HS6ST3: variants seen among roughly 807,000 people sequenced by gnomAD.
HS6ST3 encodes heparan-sulfate 6-O-sulfotransferase 3.
A neutral mutation model predicts 36.7 loss-of-function variants in HS6ST3; 12 were observed. The observed-to-expected ratio is 0.33, with a 90% CI of 0.21 to 0.53. HS6ST3 has a LOEUF of 0.53. Among genes scored for constraint, HS6ST3 ranks in the 20% least tolerant of loss-of-function variants. The pLI is 0.95. For synonymous variants in HS6ST3, 240 were observed against 257.5 expected (o/e 0.93, Z 0.65); for missense variants, 584 against 640.9 (o/e 0.91, Z 0.96).
chr13:96,804,171 T>C (rs1432560615), intron 1 of HS6ST3, among the ~76,000 whole-genome samples: 6 of 149,048 alleles, frequency 4.0e-5, no homozygotes, highest in African/African-American at 1.5e-4. Flanking sequence ...GAAAAAGGCA[T>C]GGAGTCAAGT....
intron 1 of HS6ST3, among the ~76,000 whole-genome samples, chr13:96,462,320 C>T (rs1025047688): frequency 3.9e-5 from 6 of 152,294 alleles, no homozygotes; most frequent in African/African-American, 9.6e-5. Flanking sequence ...ATCCTCCTAC[C>T]TCAGCCTCCC....
intron 1 of HS6ST3, among the ~76,000 whole-genome samples, chr13:96,397,307 CTT>C (rs1323112727): frequency 6.6e-6 from 1 of 152,150 alleles, no homozygotes; most frequent in Non-Finnish European, 1.5e-5. Flanking sequence ...TTAAATATGA[CTT>C]AGCATTTATA....
chr13:96,264,917 T>C (rs1473124882), intron 1 of HS6ST3, among the ~76,000 whole-genome samples: 1 of 152,212 alleles, frequency 6.6e-6, no homozygotes. Context: ...TGACATTTTC[T>C]ACCATTCGCT....
chr13:96,599,119 G>T (rs1302034525), intron 1 of HS6ST3, among the ~76,000 whole-genome samples: 1 of 151,864 alleles, frequency 6.6e-6, no homozygotes, highest in Non-Finnish European at 1.5e-5. Context: ...ATTGGATATT[G>T]GTCTGTAGTT....
chr13:96,787,200 T>C (rs1361330662), intron 1 of HS6ST3, among the ~76,000 whole-genome samples: 1 of 152,172 alleles, frequency 6.6e-6, no homozygotes, highest in Non-Finnish European at 1.5e-5. Flanking sequence ...TGAACAAGTT[T>C]CAGTGTGAAC....
chr13:96,515,467 C>T (rs1056789137), intron 1 of HS6ST3, among the ~76,000 whole-genome samples: 6 of 152,210 alleles, frequency 3.9e-5, no homozygotes, highest in African/African-American at 9.6e-5. Flanking sequence ...AGCACATTCA[C>T]GTTTTATGCA....
intron 1 of HS6ST3, among the ~76,000 whole-genome samples, chr13:96,134,698 C>A (rs192712881): frequency 6.6e-6 from 1 of 152,192 alleles, no homozygotes; most frequent in Admixed American, 6.5e-5. Context: ...GACATTCTTG[C>A]CTCTGTAGTC....
chr13:96,820,305 C>T (rs1878504443), intron 1 of HS6ST3, among the ~76,000 whole-genome samples: 1 of 152,150 alleles, frequency 6.6e-6, no homozygotes, highest in African/African-American at 2.4e-5. Flanking sequence ...TTCATTAATA[C>T]ATCTTGTTTA....
Position 96,346,381 on chromosome 13 carries a change from T to C in HS6ST3, c.707+254812T>C, listed in dbSNP as rs190734386. On this transcript the variant is annotated intron_variant, in intron 1 of 1. Transcript: ENST00000376705. ...TGAGATCAGGAGATCAAGACCATCC[T>C]GGCTAAAACGGTGAAACCCTATCTC... Among the ~76,000 whole-genome samples the C allele has an allele frequency of 6.0e-3, 912 of 152,212 alleles. 8 individuals are homozygous for C. The highest frequency in any genetic ancestry group is 0.02 in the Middle Eastern group (6 of 294).
At chr13:96,324,334 C>G (rs1001247396) in intron 1 of HS6ST3, among the ~76,000 whole-genome samples, 9 of 151,992 alleles carry the variant, frequency 5.9e-5, no homozygotes, top group Non-Finnish European at 1.3e-4. Context: ...TCCAGCACAC[C>G]CGGAGAGCAT....
chr13:96,246,902 G>A (rs543674476), intron 1 of HS6ST3, among the ~76,000 whole-genome samples: 1 of 152,202 alleles, frequency 6.6e-6, no homozygotes. Context: ...ACTATTTCTT[G>A]AGAATGGTAA....
intron 1 of HS6ST3, among the ~76,000 whole-genome samples, chr13:96,793,335 A>G (rs923332168): frequency 6.6e-6 from 1 of 152,050 alleles, no homozygotes; most frequent in African/African-American, 2.4e-5. Flanking sequence ...GGTTCTCCTC[A>G]CCATTCCAGC....
chr13:96,381,378 CTATCTATG>C (rs908048300), intron 1 of HS6ST3, among the ~76,000 whole-genome samples: 108 of 137,092 alleles, frequency 7.9e-4, no homozygotes, highest in East Asian at 1.7e-3. Flanking sequence ...ATTTATCCAT[CTATCTATG>C]TATCTATGTA....
rs140940988 is a variant in HS6ST3 at position 96,710,310 on chromosome 13, C to G, written c.708-122180C>G. 7.3e-3 allele frequency among the ~76,000 whole-genome samples: 1,106 copies of G among 152,364 alleles called. 9 individuals are homozygous for G. Among genetic ancestry groups the G allele is most frequent in the African/African-American group, 0.025 (1,022 of 41,590 alleles). ...CAGGACCTAGGCTGCACTGGCCACA[C>G]TCATTTGGGGGCCTGACTCAGCAGA... is the stretch of plus-strand genomic sequence containing the variant. On this transcript the variant is annotated intron_variant, in intron 1 of 1. Transcript: ENST00000376705.
rs186777103 is a variant in HS6ST3 at position 96,384,843 on chromosome 13, T to C, written c.707+293274T>C. ...TGTTGTATACTCCAAAGATAAAGTG[T>C]TGAGGACTTGCTTCAGACTTGTATG... On this transcript the variant is annotated intron_variant, in intron 1 of 1. Transcript: ENST00000376705. Among the ~76,000 whole-genome samples the C allele has an allele frequency of 5.9e-5, 9 of 152,254 alleles. No homozygotes were observed. In the East Asian group the frequency reaches 1.7e-3, roughly 29 times the overall value.
In HS6ST3 at chr13:96,576,943, C is replaced by CAAAA. The variant is rs1157924077; in HGVS notation, c.708-255520_708-255517dup. 4.1e-3 allele frequency among the ~76,000 whole-genome samples: 110 copies of CAAAA among 26,852 alleles called. 10 individuals are homozygous for CAAAA. The highest frequency in any genetic ancestry group is 0.011 in the African/African-American group (102 of 8,992). The allele number at this position is 26,852 out of a possible 152,430, so 17.6% of individuals were successfully genotyped here. A position where few individuals can be genotyped will look rare whatever the true frequency, so the allele number is the denominator to read the frequency against. ...TGGGAAACAGAGTGAGACTCTGTCT[C>CAAAA]AAAAAAAAAAAAAAAAAAAAAAAAA... On this transcript the variant is annotated intron_variant, in intron 1 of 1. Transcript: ENST00000376705.
At chr13:96,742,518 T>A (rs1485850802) in intron 1 of HS6ST3, among the ~76,000 whole-genome samples, 1 of 152,134 alleles carries the variant, frequency 6.6e-6, no homozygotes, top group African/African-American at 2.4e-5. Flanking sequence ...ACAATAAATG[T>A]ACTTGTGGTT....
At chr13:96,108,316 G>A (rs2053851876) in intron 1 of HS6ST3, among the ~76,000 whole-genome samples, 1 of 152,198 alleles carries the variant, frequency 6.6e-6, no homozygotes. Context: ...GCGAATTCTA[G>A]TCAGACCGGT....
intron 1 of HS6ST3, among the ~76,000 whole-genome samples, chr13:96,545,580 C>T (rs2138945059): frequency 6.6e-6 from 1 of 152,272 alleles, no homozygotes; most frequent in South Asian, 2.1e-4. Flanking sequence ...ACTTTTGTTT[C>T]TCTCATAACT....
Sources: allele counts gnomAD v4.1 joint callset (sites outside exome capture counted in the v4.1 genomes callset), GRCh38; gene constraint gnomAD v4.1.1; transcripts MANE v1.5; gene names NCBI Gene and HGNC (gene_info 2026-07-23, HGNC 2026-07-21).